The following IRAG1 variants were observed in gnomAD, a reference collection of about 807,000 sequenced individuals.
IRAG1 encodes the protein inositol 1,4,5-triphosphate receptor associated 1.
In IRAG1, 62 loss-of-function variants were observed where a neutral mutation model predicts 106.2. The observed-to-expected ratio is 0.58, with a 90% CI of 0.48 to 0.72. The LOEUF is 0.72. Among genes scored for constraint, IRAG1 ranks in the 30% least tolerant of loss-of-function variants. The probability of loss-of-function intolerance (pLI) is 0.00; values close to 1 mark genes in which losing one functional copy is unlikely to be tolerated. For synonymous variants in IRAG1, 462 were observed against 443.9 expected (o/e 1.04, Z -0.51); for missense variants, 1,064 against 1,140.7 (o/e 0.93, Z 0.97).
intron 11 of IRAG1, among the ~76,000 whole-genome samples, chr11:10,609,479 C>T (rs770858185): frequency 1.3e-5 from 2 of 152,198 alleles, no homozygotes; most frequent in Non-Finnish European, 2.9e-5. Context: ...CTGCCATGAG[C>T]TTCTGGTGAC....
At chr11:10,656,992 T>G (rs1858975680) in intron 1 of IRAG1, among the ~76,000 whole-genome samples, 1 of 152,196 alleles carries the variant, frequency 6.6e-6, no homozygotes, top group Middle Eastern at 3.4e-3. Flanking sequence ...TTATGAGGGC[T>G]AAAGAGTGGC....
intron 12 of IRAG1, among the ~76,000 whole-genome samples, chr11:10,604,985 A>G (rs1854356542): frequency 6.6e-6 from 1 of 152,198 alleles, no homozygotes; most frequent in African/African-American, 2.4e-5. Flanking sequence ...AGATTTAAGC[A>G]TTGTTGACGT....
Position 10,594,165 on chromosome 11 carries a change from A to G in IRAG1, c.2048T>C (p.Met683Thr), listed in dbSNP as rs1853000002. The G allele has an allele frequency of 1.2e-6, 2 of 1,610,182 alleles. No individual in the cohort carries two copies. The highest frequency in any genetic ancestry group is 8.5e-7 in the Non-Finnish European group (1 of 1,178,488). Residue 683 changes from methionine (M) to threonine (T), a missense_variant, in exon 16 of 21, where the codon ATG becomes ACG. Coordinates refer to ENST00000423302, the MANE Select transcript of IRAG1 (RefSeq NM_130385.4). ...GCATACCTTTCCCAGCGTGAGGGAC[A>G]TGGACCGTGCCGTGCGAGGGACCCC... ...EDGVPRTARS[M>T]SLTLGKNMPR...
At position 10,652,061 on chromosome 11, in the gene IRAG1, G is replaced by A. The variant is rs748487286; in HGVS notation, c.189C>T (p.Pro63=). Residue 63 remains proline (P), a synonymous_variant, in exon 2 of 21, where the codon CCC becomes CCT. Coordinates refer to ENST00000423302, the MANE Select transcript of IRAG1 (RefSeq NM_130385.4). ...MPHIPEDEEP[P]GEPQAAQSPA... ...GGCTCTGGGCTGCCTGTGGCTCTCC[G>A]GGGGGCTCCTCGTCCTCGGGAATGT... 30 of 1,593,266 alleles carry A rather than the reference G, an allele frequency of 1.9e-5. 1 individual carries two copies. In the South Asian group the frequency reaches 2.5e-4, roughly 13 times the overall value.
chr11:10,582,134 C>T (rs1336591377), intron 18 of IRAG1, 148 bp from the exon 19 acceptor site: 2 of 1,035,476 alleles, frequency 1.9e-6, no homozygotes, highest in African/African-American at 1.6e-5. Context: ...ATCCTTCTAC[C>T]CTGAGACAAG....
intron 15 of IRAG1, 94 bp from the exon 16 acceptor site, chr11:10,594,289 G>A: frequency 1.6e-6 from 2 of 1,235,690 alleles, no homozygotes; most frequent in Non-Finnish European, 2.3e-6. Flanking sequence ...CCATGGGCCA[G>A]AACTGGCCCT....
At chr11:10,577,334 C>A (rs1045972216) in intron 20 of IRAG1, among the ~76,000 whole-genome samples, 3 of 152,162 alleles carry the variant, frequency 2.0e-5, no homozygotes, top group Non-Finnish European at 2.9e-5. Flanking sequence ...CTCTCTTCCT[C>A]TCCATTTTTG....
At position 10,679,161 on chromosome 11, in the gene IRAG1, T is replaced by C. The variant is rs16908173; in HGVS notation, c.67+14375A>G. ...AGTTCTACATGAGACCAGGAGACTG[T>C]AGAAATAAGCAAAACAGGCAATGAT... On this transcript the variant is annotated intron_variant, in intron 1 of 20. Transcript: ENST00000423302. Among the ~76,000 whole-genome samples, 1,184 of 152,300 alleles carry C rather than the reference T, an allele frequency of 7.8e-3. 19 individuals carry two copies. The highest frequency in any genetic ancestry group is 0.027 in the African/African-American group (1,130 of 41,554).
intron 15 of IRAG1, among the ~76,000 whole-genome samples, chr11:10,597,567 G>A (rs964053628): frequency 3.5e-4 from 53 of 151,996 alleles, no homozygotes; most frequent in Non-Finnish European, 5.4e-4. Flanking sequence ...TTGTTGCCCA[G>A]GCTGGTCTCA....
At chr11:10,612,791 T>C (rs1217076871) in intron 10 of IRAG1, among the ~76,000 whole-genome samples, 3 of 151,986 alleles carry the variant, frequency 2.0e-5, no homozygotes, top group Non-Finnish European at 2.9e-5. Context: ...ACTTTGACTC[T>C]AGAAAAAATA....
chr11:10,632,584 A>G (rs1207742647), intron 3 of IRAG1, among the ~76,000 whole-genome samples: 1 of 152,170 alleles, frequency 6.6e-6, no homozygotes, highest in Non-Finnish European at 1.5e-5. Context: ...TTAGAAATGC[A>G]AATTCTCAGG....
chr11:10,652,357 T>A, intron 1 of IRAG1, 175 bp from the exon 2 acceptor site: 1 of 1,436,256 alleles, frequency 7.0e-7, no homozygotes, highest in Non-Finnish European at 9.2e-7. Flanking sequence ...GCTCTCTGGC[T>A]TTGTTTACAA....
At position 10,652,018 on chromosome 11, in the gene IRAG1, C is replaced by A. The variant is rs953647372; in HGVS notation, c.225+7G>T. On this transcript the variant is annotated splice_region_variant and intron_variant, in intron 2 of 20. Coordinates refer to ENST00000423302, the MANE Select transcript of IRAG1 (RefSeq NM_130385.4). ...AGGCTAGCTGAGGGCAGGGAGGGGG[C>A]ACTTACTTGGCCGGCAGGGCTCTGG... 17 of 1,558,870 alleles carry A rather than the reference C, an allele frequency of 1.1e-5. No individual in the cohort carries two copies. The highest frequency in any genetic ancestry group is 4.3e-4 in the Middle Eastern group (2 of 4,650).
In IRAG1 at chr11:10,576,294, G is replaced by A. The variant is rs1304945872; in HGVS notation, c.*38C>T. ...ACTTGGGGAAAGGGTGGTAGTCTGA[G>A]TGTCTCAGAGCAGGGCACTGGCTAG... On this transcript the variant is annotated 3_prime_UTR_variant, in exon 21 of 21. Coordinates refer to ENST00000423302, the MANE Select transcript of IRAG1 (RefSeq NM_130385.4). 6.2e-6 allele frequency: 10 copies of A among 1,609,292 alleles called. No individual in the cohort carries two copies. The highest frequency in any genetic ancestry group is 8.5e-6 in the Non-Finnish European group (10 of 1,177,292).
intron 1 of IRAG1, among the ~76,000 whole-genome samples, chr11:10,654,951 T>C (rs145565674): frequency 5.2e-4 from 79 of 152,340 alleles, no homozygotes; most frequent in African/African-American, 1.8e-3. Context: ...ATGAATAAAC[T>C]GAGCATCAGG....
chr11:10,678,042 G>T (rs1284873650), intron 1 of IRAG1, among the ~76,000 whole-genome samples: 1 of 128,146 alleles, frequency 7.8e-6, no homozygotes, highest in Non-Finnish European at 1.7e-5. Context: ...TCATCTATCT[G>T]TCTATCCATC....
At chr11:10,631,886 G>C in intron 4 of IRAG1, 105 bp downstream of exon 4, 1 of 883,072 alleles carries the variant, frequency 1.1e-6, no homozygotes, top group Non-Finnish European at 1.9e-6. Context: ...TGGACTTATC[G>C]GGAGGGAGCG....
intron 2 of IRAG1, among the ~76,000 whole-genome samples, chr11:10,638,780 A>C (rs1857315604): frequency 6.6e-6 from 1 of 152,246 alleles, no homozygotes. Context: ...TTAAAGGGGC[A>C]GGATGGGCCA....
intron 10 of IRAG1, chr11:10,617,145 G>C: frequency 1.0e-6 from 1 of 985,344 alleles, no homozygotes; most frequent in Non-Finnish European, 1.2e-6. Context: ...CTCTGCCTCA[G>C]CCTACGTGTC....
Sources: allele counts gnomAD v4.1 joint callset (sites outside exome capture counted in the v4.1 genomes callset), GRCh38; gene constraint gnomAD v4.1.1; transcripts MANE v1.5; gene names NCBI Gene and HGNC (gene_info 2026-07-23, HGNC 2026-07-21).